ZNF385D: variants seen among roughly 807,000 people sequenced by gnomAD.
ZNF385D encodes the protein zinc finger protein 385D, also known as zinc finger protein 659.
In ZNF385D, 15 loss-of-function variants were observed where a neutral mutation model predicts 35.8. The observed-to-expected ratio is 0.42, with a 90% confidence interval of 0.28 to 0.64. The LOEUF is 0.64. Ranked by LOEUF, ZNF385D falls within the 30% of genes least tolerant of loss-of-function variation. The pLI is 0.23. For missense variants in ZNF385D, 474 were observed against 494.6 expected (o/e 0.96, Z 0.39); for synonymous variants, 212 against 186.8 (o/e 1.13, Z -1.10).
At chr3:21,806,375 G>T (rs2072648387) in intron 3 of ZNF385D, among the ~76,000 whole-genome samples, 1 of 151,682 alleles carries the variant, frequency 6.6e-6, no homozygotes, top group African/African-American at 2.4e-5. Context: ...CGACTAATTT[G>T]TTGTTATTTT....
chr3:21,414,880 C>T lies in ZNF385D; in HGVS notation c.*6334G>A, dbSNP rs571241846. 5.3e-5 allele frequency: 8 copies of T among 152,186 alleles called. No individual in the cohort carries two copies. The highest frequency in any genetic ancestry group is 4.1e-4 in the South Asian group (2 of 4,828). 9.4% of individuals were successfully genotyped at this position (152,186 alleles called of 1,614,324 possible). On this transcript the variant is annotated 3_prime_UTR_variant, in exon 8 of 8. Coordinates refer to ENST00000281523, the MANE Select transcript of ZNF385D (RefSeq NM_024697.3). Reference sequence around the variant, plus strand: ...AAAAGTTAAACTTTCCAGGATCTCACGAACTCAATTCCTTTTTCATCTCTA... The same window carrying T: ...AAAAGTTAAACTTTCCAGGATCTCATGAACTCAATTCCTTTTTCATCTCTA...
intron 2 of ZNF385D, among the ~76,000 whole-genome samples, chr3:22,352,305 T>C (rs1695952377): frequency 6.6e-6 from 1 of 152,188 alleles, no homozygotes; most frequent in South Asian, 2.1e-4. Context: ...ACATGTTCAA[T>C]TACCTACAAC....
intron 3 of ZNF385D, among the ~76,000 whole-genome samples, chr3:21,843,695 G>A (rs1665398311): frequency 6.6e-6 from 1 of 151,896 alleles, no homozygotes; most frequent in African/African-American, 2.4e-5. Context: ...GATGATAAAG[G>A]GGAATAATCA....
intron 3 of ZNF385D, among the ~76,000 whole-genome samples, chr3:21,515,266 T>C (rs1335242606): frequency 6.6e-6 from 1 of 152,202 alleles, no homozygotes; most frequent in Non-Finnish European, 1.5e-5. Context: ...ACTGAGAAGT[T>C]ACTTTTTAGT....
At chr3:22,312,493 A>C (rs1348164563) in intron 2 of ZNF385D, among the ~76,000 whole-genome samples, 1 of 152,020 alleles carries the variant, frequency 6.6e-6, no homozygotes, top group African/African-American at 2.4e-5. Flanking sequence ...AAATTTTTGC[A>C]ACCTACTCAT....
In ZNF385D at chr3:21,751,052, G is replaced by A. The variant is rs2070053262; in HGVS notation, c.-136C>T. The A allele has an allele frequency of 2.6e-6, 4 of 1,546,552 alleles. No individual in the cohort carries two copies. In the African/African-American group the frequency reaches 4.1e-5, roughly 16 times the overall value. ...GTGGAGAGCAGTGAGCGCCGAGAGCGTGCCTCCTCCGCGGGATGAGCGCCT... is the reference window on the plus strand; with the variant it reads ...GTGGAGAGCAGTGAGCGCCGAGAGCATGCCTCCTCCGCGGGATGAGCGCCT... On this transcript the variant is annotated 5_prime_UTR_variant, in exon 1 of 8. It adds an upstream start codon to the 5' untranslated region. Transcript: ENST00000281523.
chr3:22,125,943 T>C (rs781564451), intron 3 of ZNF385D, among the ~76,000 whole-genome samples: 3 of 152,124 alleles, frequency 2.0e-5, no homozygotes, highest in Non-Finnish European at 2.9e-5. Context: ...ATACTTTCAG[T>C]ACTGTGTTGA....
At chr3:21,754,941 G>C (rs1018872228), upstream of ZNF385D, among the ~76,000 whole-genome samples, 1 of 152,182 alleles carries the variant, frequency 6.6e-6, no homozygotes, top group Non-Finnish European at 1.5e-5. Flanking sequence ...CCTGAAGTCA[G>C]TTCTTTGAGG....
chr3:21,559,936 G>C (rs1160611007), intron 3 of ZNF385D, among the ~76,000 whole-genome samples: 1 of 152,036 alleles, frequency 6.6e-6, no homozygotes, highest in Non-Finnish European at 1.5e-5. Flanking sequence ...CCTTTCTTCT[G>C]TTTGATCAAT....
chr3:21,744,184 TAA>T (rs2069652610), intron 1 of ZNF385D, among the ~76,000 whole-genome samples: 2 of 152,214 alleles, frequency 1.3e-5, no homozygotes, highest in African/African-American at 2.4e-5. Context: ...AAAATAGGAA[TAA>T]TTATATTTTG....
rs145950384 is a variant in ZNF385D at position 21,862,367 on chromosome 3, C to T, written c.326-197339G>A. ...TAACACCTTTGAAACTGAGAACATA[C>T]TCAAAGTGATATAAATCAGCATGGA... On this transcript the variant is annotated intron_variant, in intron 3 of 5. Transcript: ENST00000494108. Among the ~76,000 whole-genome samples, 320 of 151,056 alleles carry T rather than the reference C, an allele frequency of 2.1e-3. 4 individuals carry two copies. The highest frequency in any genetic ancestry group is 7.5e-3 in the African/African-American group (308 of 41,114).
At chr3:22,099,326 G>C (rs778204182) in intron 3 of ZNF385D, among the ~76,000 whole-genome samples, 1 of 152,066 alleles carries the variant, frequency 6.6e-6, no homozygotes, top group African/African-American at 2.4e-5. Context: ...AGGGCTGAAG[G>C]TTTGGAATAG....
intron 3 of ZNF385D, among the ~76,000 whole-genome samples, chr3:22,045,609 G>A (rs553488015): frequency 1.3e-5 from 2 of 152,226 alleles, no homozygotes; most frequent in African/African-American, 2.4e-5. Flanking sequence ...AGTGTAGACA[G>A]TTTTCTGTGG....
intron 3 of ZNF385D, among the ~76,000 whole-genome samples, chr3:22,107,026 G>GT (rs10676871): frequency 0.16 from 18,759 of 119,376 alleles, 1,794 homozygotes; most frequent in Non-Finnish European, 0.18. Flanking sequence ...TGGAATGAGA[G>GT]TTTTTTTTTT....
chr3:21,810,953 C>T (rs1037307353), intron 3 of ZNF385D, among the ~76,000 whole-genome samples: 1 of 142,320 alleles, frequency 7.0e-6, no homozygotes, highest in Non-Finnish European at 1.5e-5. Context: ...CACACACACA[C>T]ACATATGTGT....
intron 3 of ZNF385D, among the ~76,000 whole-genome samples, chr3:21,836,839 C>A (rs1259896619): frequency 6.6e-6 from 1 of 152,042 alleles, no homozygotes; most frequent in African/African-American, 2.4e-5. Flanking sequence ...TTTGCAGACG[C>A]TGCCGTAGAC....
rs1449904459 is a variant in ZNF385D, at chr3:21,556,071, T to G, written c.276+8503A>C. On this transcript the variant is annotated intron_variant, in intron 3 of 7. Coordinates refer to ENST00000281523, the MANE Select transcript of ZNF385D (RefSeq NM_024697.3). ...TTTTGACGTTTTTTTTGTTTTTGTT[T>G]TTTTTTTTTTTTTTTTGTAAATTTA... is the stretch of plus-strand genomic sequence containing the variant. 2.8e-5 allele frequency among the ~76,000 whole-genome samples: 4 copies of G among 142,470 alleles called. No individual in the cohort carries two copies. The East Asian group carries it at 5.9e-4, about 21-fold the overall frequency. The allele number at this position is 142,470 out of a possible 152,430, so 93.5% of individuals were successfully genotyped here. A position where few individuals can be genotyped will look rare whatever the true frequency, so the allele number is the denominator to read the frequency against.
intron 3 of ZNF385D, among the ~76,000 whole-genome samples, chr3:22,130,183 G>C (rs979895544): frequency 2.0e-5 from 3 of 152,066 alleles, no homozygotes; most frequent in Non-Finnish European, 2.9e-5. Context: ...GGCTAAGCTG[G>C]AATCCAAGTT....
At chr3:21,825,283 C>A (rs547720811) in intron 3 of ZNF385D, among the ~76,000 whole-genome samples, 1 of 152,152 alleles carries the variant, frequency 6.6e-6, no homozygotes, top group Non-Finnish European at 1.5e-5. Context: ...TTGCATCTAA[C>A]TCATGTATCA....
Sources: allele counts gnomAD v4.1 joint callset (sites outside exome capture counted in the v4.1 genomes callset), GRCh38; gene constraint gnomAD v4.1.1; transcripts MANE v1.5; gene names NCBI Gene and HGNC (gene_info 2026-07-23, HGNC 2026-07-21).